The following RDX variants were observed in gnomAD, a reference collection of about 807,000 sequenced individuals.
RDX encodes radixin.
RDX carries 32 observed loss-of-function variants against 83.7 expected under a neutral mutation model. The observed-to-expected ratio is 0.38, with a 90% CI of 0.29 to 0.51. The LOEUF is 0.51. Among genes scored for constraint, RDX ranks in the 20% least tolerant of loss-of-function variants. The pLI, the probability that RDX is intolerant of heterozygous loss-of-function variation, is 0.87. For missense variants in RDX, 600 were observed against 689.9 expected, an observed-to-expected ratio of 0.87 and a Z score of 1.46; for synonymous variants, 229 against 222.7, an observed-to-expected ratio of 1.03 and a Z score of -0.25.
intron 1 of RDX, among the ~76,000 whole-genome samples, chr11:110,285,712 C>CAAAA (rs35030078): frequency 7.7e-4 from 60 of 78,138 alleles, no homozygotes; most frequent in African/African-American, 1.5e-3. Context: ...GACTTTGTCT[C>CAAAA]AAAAAAAAAA....
intron 14 of RDX, among the ~76,000 whole-genome samples, chr11:110,224,082 T>TTA (rs1864349896): frequency 6.6e-6 from 1 of 152,212 alleles, no homozygotes; most frequent in South Asian, 2.1e-4. Flanking sequence ...AGTGAGTTGT[T>TTA]TAGAGTTGTC....
chr11:110,255,323 T>A lies in RDX; in HGVS notation c.761A>T (p.Lys254Ile), dbSNP rs2134357659. Residue 254 changes from lysine to isoleucine, a missense_variant, in exon 8 of 14, where the codon AAA becomes ATA. By Grantham distance (102) the Lys-to-Ile change is moderately radical. Transcript: ENST00000645495. The part of the protein sequence containing the change: ...EIRNISFNDK[K>I]FVIKPIDKKA... ...TTTGTCGATTGGCTTTATAACAAAT[T>A]TTTTGTCATTAAATGAAATATTTCT... The A allele has an allele frequency of 1.3e-6, 2 of 1,592,910 alleles. No homozygotes were observed. The highest frequency in any genetic ancestry group is 1.7e-5 in the Admixed American group (1 of 59,902).
chr11:110,216,537 TTTTC>T (rs1237605840), intron 14 of RDX, among the ~76,000 whole-genome samples: 1 of 126,562 alleles, frequency 7.9e-6, no homozygotes, highest in Non-Finnish European at 1.7e-5. Context: ...CACCAATTTT[TTTTC>T]TTTTTTTTTT....
chr11:110,215,144 A>G (rs886817875), intron 14 of RDX, among the ~76,000 whole-genome samples: 1 of 150,080 alleles, frequency 6.7e-6, no homozygotes, highest in African/African-American at 2.4e-5. Context: ...GCGGATCACG[A>G]GGTCAGGAGA....
chr11:110,206,882 T>C (rs564007548), intron 14 of RDX, among the ~76,000 whole-genome samples: 1 of 152,342 alleles, frequency 6.6e-6, no homozygotes, highest in African/African-American at 2.4e-5. Context: ...TCCACAGTAT[T>C]GGGTTGGAGT....
intron 14 of RDX, among the ~76,000 whole-genome samples, chr11:110,209,141 C>A (rs1248339059): frequency 1.3e-5 from 2 of 152,118 alleles, no homozygotes; most frequent in African/African-American, 2.4e-5. Context: ...GCACCGTGCG[C>A]GAGCTGAAGC....
rs184886657 is a variant in RDX, at chr11:110,278,525, A to T, written c.12+1156T>A. ...ACTAAGTGTGTCATGTTTTTTAATA[A>T]CTAAATAACCAAACTAGTTTTATAT... On this transcript the variant is annotated intron_variant, in intron 2 of 13. Coordinates refer to ENST00000645495, the MANE Select transcript of RDX (RefSeq NM_002906.4). Among the ~76,000 whole-genome samples, 703 of 152,250 alleles carry T rather than the reference A, an allele frequency of 4.6e-3. 2 individuals are homozygous for T. Among genetic ancestry groups the T allele is most frequent in the African/African-American group, 0.016 (663 of 41,570 alleles).
intron 1 of RDX, among the ~76,000 whole-genome samples, chr11:110,280,506 C>T (rs1459513987): frequency 6.6e-6 from 1 of 152,226 alleles, no homozygotes; most frequent in Non-Finnish European, 1.5e-5. Context: ...AACTGTGCCT[C>T]CCAAAGTGCT....
chr11:110,273,382 T>C (rs564836123), intron 2 of RDX, among the ~76,000 whole-genome samples: 88 of 152,386 alleles, frequency 5.8e-4, no homozygotes, highest in African/African-American at 2.0e-3. Flanking sequence ...TTATCTACAG[T>C]GCTTTATTTG....
rs1233290514 is a variant in RDX, at chr11:110,258,143, TTC to T, written c.512_513del (p.Arg171AsnfsTer6). Reference sequence around the variant, plus strand: ...CTATGTTCTTCATGCCAGTTCTGTATTCTTTCTTCCCACTGTTCTTTTGTTAG... The same window carrying T: ...CTATGTTCTTCATGCCAGTTCTGTATTTTCTTCCCACTGTTCTTTTGTTAG... Reference protein sequence around the residue: ...HKLTKEQWEERIQNWHEEHRG... With the variant: ...HKLTKEQWEEXIQNWHEEHRG... On this transcript the variant is annotated frameshift_variant, in exon 6 of 14. Transcript: ENST00000645495. LOFTEE classifies it high-confidence loss of function. 2.5e-6 allele frequency: 4 copies of T among 1,611,810 alleles called. No homozygotes were observed. The highest frequency in any genetic ancestry group is 3.4e-6 in the Non-Finnish European group (4 of 1,178,880).
Position 110,237,541 on chromosome 11 carries a change from G to T in RDX, c.1202C>A (p.Ser401Tyr), listed in dbSNP as rs767965188. 1 of 1,613,310 alleles carries T rather than the reference G, an allele frequency of 6.2e-7. No homozygotes were observed. The highest frequency in any genetic ancestry group is 1.3e-5 in the African/African-American group (1 of 74,876). ...GTCGGCAGCTTGTTTTGCTATGGCAGACTTTGCCTCTTCAGCAGCTCGACG... is the reference window on the plus strand; with the variant it reads ...GTCGGCAGCTTGTTTTGCTATGGCATACTTTGCCTCTTCAGCAGCTCGACG... Reference protein sequence around the residue: ...KERRAAEEAKSAIAKQAADQM... With the variant: ...KERRAAEEAKYAIAKQAADQM... Residue 401 changes from serine (S) to tyrosine (Y), a missense_variant, in exon 11 of 14, where the codon TCT becomes TAT. Physicochemically the swap from Ser to Tyr is moderately radical, Grantham distance 144. Coordinates refer to ENST00000645495, the MANE Select transcript of RDX (RefSeq NM_002906.4).
chr11:110,218,909 A>G (rs1864151222), intron 14 of RDX, among the ~76,000 whole-genome samples: 1 of 152,156 alleles, frequency 6.6e-6, no homozygotes, highest in South Asian at 2.1e-4. Flanking sequence ...AGGAGCATCT[A>G]TGGCATTCCA....
chr11:110,257,032 C>T lies in RDX; in HGVS notation c.698+735G>A, dbSNP rs552021022. ...ATGGTAAATAAATTAAAGTCTAAGA[C>T]AATTGAGTTATTAATCCTGAAAAGT... On this transcript the variant is annotated intron_variant, in intron 7 of 13. Transcript: ENST00000645495. Among the ~76,000 whole-genome samples, 953 of 116,354 alleles carry T rather than the reference C, an allele frequency of 8.2e-3. 18 individuals are homozygous for T. The highest frequency in any genetic ancestry group is 0.031 in the African/African-American group (839 of 27,308). 76.3% of individuals were successfully genotyped at this position (116,354 alleles called of 152,430 possible).
chr11:110,209,155 G>T (rs1353270853), intron 14 of RDX, among the ~76,000 whole-genome samples: 1 of 152,198 alleles, frequency 6.6e-6, no homozygotes, highest in Non-Finnish European at 1.5e-5. Flanking sequence ...CTGAAGCAGG[G>T]CGAGGCATTG....
At chr11:110,289,708 G>A (rs1404153232) in intron 1 of RDX, among the ~76,000 whole-genome samples, 1 of 152,032 alleles carries the variant, frequency 6.6e-6, no homozygotes, top group Non-Finnish European at 1.5e-5. Context: ...CTTGAGGTCA[G>A]GAGTTCAAGA....
chr11:110,254,242 C>CT, intron 8 of RDX, 133 bp from the exon 9 acceptor site: 1 of 767,488 alleles, frequency 1.3e-6, no homozygotes, highest in Non-Finnish European at 2.1e-6. Flanking sequence ...AGAAATCATA[C>CT]AATTTCATAA....
chr11:110,264,345 C>A, intron 4 of RDX, 111 bp from the exon 5 acceptor site: 1 of 759,486 alleles, frequency 1.3e-6, no homozygotes, highest in South Asian at 1.9e-5. Flanking sequence ...GATTCTAAAT[C>A]TATGAAGATT....
At chr11:110,257,649 A>T in intron 7 of RDX, 118 bp downstream of exon 7, 2 of 1,021,514 alleles carry the variant, frequency 2.0e-6, no homozygotes, top group Non-Finnish European at 3.1e-6. Context: ...TTCATCTTTT[A>T]GTTTGAAAAT....
At chr11:110,227,064 T>C (rs1864457338), downstream of RDX, among the ~76,000 whole-genome samples, 1 of 152,004 alleles carries the variant, frequency 6.6e-6, no homozygotes, top group Admixed American at 6.6e-5. Flanking sequence ...TAGACTTGAA[T>C]TTCATAGACT....
Sources: gnomAD v4.1 joint callset for allele counts (sites outside exome capture counted in the v4.1 genomes callset) on GRCh38, gnomAD v4.1.1 for gene constraint, MANE v1.5 for transcripts, NCBI Gene and HGNC (gene_info 2026-07-23, HGNC 2026-07-21) for gene names.